The following KIAA1217 variants were observed in gnomAD, a reference collection of about 807,000 sequenced individuals.
KIAA1217 encodes the protein KIAA1217.
A neutral mutation model predicts 163.9 loss-of-function variants in KIAA1217; 88 were observed. The observed-to-expected ratio is 0.54, with a 90% CI of 0.45 to 0.64. The LOEUF (loss-of-function observed/expected upper bound fraction) is 0.64. KIAA1217 is among the 30% of genes least tolerant of loss of function. KIAA1217 has a pLI of 0.00. For synonymous variants in KIAA1217, 903 were observed against 923.1 expected, an observed-to-expected ratio of 0.98 and a Z score of 0.39; for missense variants, 2,372 against 2,475.0, an observed-to-expected ratio of 0.96 and a Z score of 0.88.
intron 2 of KIAA1217, among the ~76,000 whole-genome samples, chr10:24,289,155 A>G (rs2078852901): frequency 1.3e-5 from 2 of 152,228 alleles, no homozygotes; most frequent in African/African-American, 4.8e-5. Flanking sequence ...AGCCATTAAG[A>G]TGAAGAGATT....
At chr10:24,234,438 C>T (rs183242303) in intron 2 of KIAA1217, among the ~76,000 whole-genome samples, 145 of 151,950 alleles carry the variant, frequency 9.5e-4, no homozygotes, top group African/African-American at 3.3e-3. Flanking sequence ...CTAAGGCAGG[C>T]GGATCACCTG....
At chr10:24,241,848 A>G (rs1162415097) in intron 2 of KIAA1217, among the ~76,000 whole-genome samples, 1 of 152,258 alleles carries the variant, frequency 6.6e-6, no homozygotes, top group African/African-American at 2.4e-5. Context: ...CAGTTTTTCC[A>G]TGTCAGACTA....
intron 1 of KIAA1217, among the ~76,000 whole-genome samples, chr10:23,963,153 G>A (rs1340042957): frequency 3.3e-5 from 5 of 152,064 alleles, no homozygotes; most frequent in South Asian, 2.1e-4. Flanking sequence ...TTTGGGATAC[G>A]TGTGCAGAAC....
intron 2 of KIAA1217, among the ~76,000 whole-genome samples, chr10:24,157,136 A>C (rs1306474270): frequency 1.3e-5 from 2 of 152,356 alleles, no homozygotes; most frequent in Admixed American, 1.3e-4. Flanking sequence ...GCGATAGCAT[A>C]TGAAATTACC....
At chr10:23,961,219 T>G (rs1039729233) in intron 1 of KIAA1217, among the ~76,000 whole-genome samples, 8 of 152,360 alleles carry the variant, frequency 5.3e-5, no homozygotes, top group African/African-American at 1.9e-4. Context: ...ACAATCATCC[T>G]GTCTTTTCCT....
rs372397359 is a variant in KIAA1217 at position 24,542,881 on chromosome 10, A to C, written c.3613-2A>C. The C allele has an allele frequency of 2.5e-6, 4 of 1,609,658 alleles. No individual in the cohort carries two copies. Among genetic ancestry groups the C allele is most frequent in the Non-Finnish European group, 3.4e-6 (4 of 1,177,510 alleles). On this transcript the variant is annotated splice_acceptor_variant, in intron 18 of 20. Coordinates refer to ENST00000376454, the MANE Select transcript of KIAA1217 (RefSeq NM_019590.5). LOFTEE classifies it high-confidence loss of function. ...GTTTCCCTCCTCCGTTCTCCCTCTC[A>C]GGTTACCACAGGGGCTGTAAGACCT...
At chr10:24,139,221 A>T (rs528461634) in intron 2 of KIAA1217, among the ~76,000 whole-genome samples, 1 of 152,232 alleles carries the variant, frequency 6.6e-6, no homozygotes, top group East Asian at 1.9e-4. Flanking sequence ...TAGTTTATTG[A>T]ATGTTCCCAT....
chr10:24,545,233 C>CT, intron 20 of KIAA1217, 130 bp downstream of exon 20: 1 of 1,458,518 alleles, frequency 6.9e-7, no homozygotes, highest in South Asian at 1.5e-5. Flanking sequence ...GATCTGGGGG[C>CT]ATGAAGAAAG....
At chr10:24,398,093 C>T (rs1308156527) in intron 3 of KIAA1217, among the ~76,000 whole-genome samples, 1 of 152,210 alleles carries the variant, frequency 6.6e-6, no homozygotes, top group Non-Finnish European at 1.5e-5. Context: ...TCCCCCAAAA[C>T]TTAACTACTA....
intron 1 of KIAA1217, among the ~76,000 whole-genome samples, chr10:23,987,489 T>C (rs1435282537): frequency 6.6e-6 from 1 of 152,108 alleles, no homozygotes; most frequent in Non-Finnish European, 1.5e-5. Flanking sequence ...CATTATTTAT[T>C]CACTTTAATT....
intron 1 of KIAA1217, among the ~76,000 whole-genome samples, chr10:23,832,497 C>G (rs577341709): frequency 6.6e-6 from 1 of 152,276 alleles, no homozygotes; most frequent in South Asian, 2.1e-4. Flanking sequence ...TCATTCAATA[C>G]TGTCCTCTCT....
chr10:23,834,308 C>T (rs1838348329), intron 1 of KIAA1217, among the ~76,000 whole-genome samples: 1 of 152,164 alleles, frequency 6.6e-6, no homozygotes, highest in Admixed American at 6.6e-5. Flanking sequence ...AAAGCTTTTC[C>T]TCCATGTATG....
At chr10:23,738,273 A>C (rs574175017) in intron 1 of KIAA1217, among the ~76,000 whole-genome samples, 2 of 152,218 alleles carry the variant, frequency 1.3e-5, no homozygotes, top group African/African-American at 4.8e-5. Flanking sequence ...TCAATTTCTA[A>C]TGTCAAGTTT....
rs572405288 is a variant in KIAA1217, at chr10:23,787,904, T to C, written c.-321+92670T>C. 1.9e-4 allele frequency among the ~76,000 whole-genome samples: 29 copies of C among 152,178 alleles called. No homozygotes were observed. The South Asian group carries it at 6.0e-3, about 32-fold the overall frequency. On this transcript the variant is annotated intron_variant, in intron 1 of 18. Coordinates refer to the KIAA1217 transcript ENST00000376462. ...TGGTAAGTCCTCTGTCAAACATAAT[T>C]AATTATGGGGCTGGGCATGGTGGCT...
intron 1 of KIAA1217, among the ~76,000 whole-genome samples, chr10:23,750,897 T>C (rs1053978513): frequency 7.9e-5 from 12 of 152,140 alleles, no homozygotes; most frequent in Non-Finnish European, 7.4e-5. Flanking sequence ...GCATGCACTT[T>C]GAATTTTCTA....
At chr10:24,210,274 T>C (rs1673117629) in intron 1 of KIAA1217, among the ~76,000 whole-genome samples, 1 of 152,126 alleles carries the variant, frequency 6.6e-6, no homozygotes, top group Admixed American at 6.6e-5. Context: ...GAACTTACAA[T>C]GACAAGAGAT....
chr10:23,941,351 T>C (rs1843756522), intron 1 of KIAA1217, among the ~76,000 whole-genome samples: 1 of 152,178 alleles, frequency 6.6e-6, no homozygotes, highest in South Asian at 2.1e-4. Flanking sequence ...TAATAGCAAG[T>C]ATAACTCTTA....
intron 8 of KIAA1217, among the ~76,000 whole-genome samples, chr10:24,496,129 T>G (rs2066752649): frequency 6.6e-6 from 1 of 152,226 alleles, no homozygotes; most frequent in East Asian, 1.9e-4. Context: ...GTGTACTAGT[T>G]TTGTGCAGCA....
chr10:24,236,804 A>G (rs1019394296), intron 2 of KIAA1217, among the ~76,000 whole-genome samples: 1 of 151,892 alleles, frequency 6.6e-6, no homozygotes, highest in Non-Finnish European at 1.5e-5. Flanking sequence ...GGCACACACC[A>G]GCACGCCGGG....
Sources: gnomAD v4.1 joint callset for allele counts (sites outside exome capture counted in the v4.1 genomes callset) on GRCh38, gnomAD v4.1.1 for gene constraint, MANE v1.5 for transcripts, NCBI Gene and HGNC (gene_info 2026-07-23, HGNC 2026-07-21) for gene names.